P3H2: variants seen among roughly 807,000 people sequenced by gnomAD.
The protein encoded by P3H2 is leprecan-like 1.
In P3H2, 80 loss-of-function variants were observed where a neutral mutation model predicts 87.0. The observed-to-expected ratio is 0.92, with a 90% confidence interval of 0.77 to 1.11. P3H2 has a LOEUF of 1.11. Among genes scored for constraint, P3H2 ranks in the 50% least tolerant of loss-of-function variants. P3H2 has a pLI of 0.00. For missense variants in P3H2, 1,001 were observed against 923.9 expected (o/e 1.08, Z -1.08); for synonymous variants, 367 against 359.3 (o/e 1.02, Z -0.24).
chr3:190,042,426 TTTTGTGTGTGTG>T (rs1725665077), intron 1 of P3H2, among the ~76,000 whole-genome samples: 1 of 81,762 alleles, frequency 1.2e-5, no homozygotes, highest in African/African-American at 6.3e-5. Context: ...TCTTGTAAGA[TTTTGTGTGTGTG>T]TGTGTGTGTG....
At chr3:190,006,700 A>G (rs543943199) in intron 1 of P3H2, among the ~76,000 whole-genome samples, 57 of 152,224 alleles carry the variant, frequency 3.7e-4, no homozygotes, top group Non-Finnish European at 5.9e-4. Context: ...AAGGTTCAGG[A>G]AAGGACTCAC....
chr3:189,959,331 T>G, intron 14 of P3H2, among the ~76,000 whole-genome samples: 1 of 151,596 alleles, frequency 6.6e-6, no homozygotes, highest in Non-Finnish European at 1.5e-5. Flanking sequence ...TGTATACATG[T>G]GCCATGCTGG....
At chr3:189,968,078 G>A (rs192730869) in intron 13 of P3H2, among the ~76,000 whole-genome samples, 1 of 152,204 alleles carries the variant, frequency 6.6e-6, no homozygotes, top group African/African-American at 2.4e-5. Flanking sequence ...GAGATACCTG[G>A]TCATCTATAA....
chr3:190,115,956 T>C (rs1350575749), intron 1 of P3H2, among the ~76,000 whole-genome samples: 2 of 152,156 alleles, frequency 1.3e-5, no homozygotes, highest in Non-Finnish European at 2.9e-5. Context: ...TAATTATCCA[T>C]TTAGTAATCA....
chr3:189,975,858 C>T (rs538192491), intron 8 of P3H2, among the ~76,000 whole-genome samples: 26 of 152,296 alleles, frequency 1.7e-4, no homozygotes, highest in African/African-American at 5.8e-4. Context: ...GAGTAATGTT[C>T]GGTTATCTGT....
intron 1 of P3H2, among the ~76,000 whole-genome samples, chr3:190,096,917 G>A (rs1727606399): frequency 6.6e-6 from 1 of 152,194 alleles, no homozygotes. Flanking sequence ...CCTTGAAAGA[G>A]AAATTTATTA....
rs367922933 is a variant in P3H2, at chr3:190,120,695, G to A, written c.37C>T (p.Leu13=). 3.1e-4 allele frequency: 464 copies of A among 1,521,066 alleles called. 3 individuals are homozygous for A. In the African/African-American group the frequency reaches 5.8e-3, roughly 19 times the overall value. 94.2% of individuals were successfully genotyped at this position (1,521,066 alleles called of 1,614,324 possible). A position where few individuals can be genotyped will look rare whatever the true frequency, so the allele number is the denominator to read the frequency against. ...GGCGGCGGCAGTAGCAGCGGCAGCAGCAGCAGCAGCGGCGGCGCCCAGATG... is the reference window on the plus strand; with the variant it reads ...GGCGGCGGCAGTAGCAGCGGCAGCAACAGCAGCAGCGGCGGCGCCCAGATG... ...ERIWAPPLLL[L]LPLLLPPPLW... is the part of the protein sequence containing the mutation. Residue 13 remains leucine, a synonymous_variant, in exon 1 of 15, where the codon CTG becomes TTG. Transcript: ENST00000319332.
rs143494089 is a variant in P3H2 at position 189,997,294 on chromosome 3, C to A, written c.481-1852G>T. On this transcript the variant is annotated intron_variant, in intron 1 of 14. Transcript: ENST00000319332. The stretch of plus-strand genomic sequence containing the variant: ...TTCACATATTTACATATGCTTTAGT[C>A]ATGGAGAATTTCAATAGAGAGATCC... Among the ~76,000 whole-genome samples, 381 of 152,260 alleles carry A rather than the reference C, an allele frequency of 2.5e-3. 3 individuals carry two copies. The highest frequency in any genetic ancestry group is 8.8e-3 in the African/African-American group (367 of 41,560).
intron 6 of P3H2, among the ~76,000 whole-genome samples, chr3:189,985,299 T>C (rs1397903181): frequency 1.3e-5 from 2 of 151,846 alleles, no homozygotes; most frequent in African/African-American, 2.4e-5. Flanking sequence ...AAATAGTTAA[T>C]ATGTGAAAAG....
At chr3:189,962,414 A>T (rs746398546) in intron 14 of P3H2, among the ~76,000 whole-genome samples, 1 of 151,998 alleles carries the variant, frequency 6.6e-6, no homozygotes, top group Non-Finnish European at 1.5e-5. Context: ...ACCTCAGGTG[A>T]TCCACCCACC....
chr3:190,004,392 A>G (rs753756175), intron 1 of P3H2, among the ~76,000 whole-genome samples: 2 of 152,150 alleles, frequency 1.3e-5, no homozygotes, highest in Admixed American at 6.5e-5. Flanking sequence ...TTATTTGTTT[A>G]TTTATTTCGA....
Position 189,987,543 on chromosome 3 carries a change from G to A in P3H2, c.1082C>T (p.Ser361Phe). 6.2e-7 allele frequency: 1 copy of A among 1,613,732 alleles called. No homozygotes were observed. The highest frequency in any genetic ancestry group is 2.2e-5 in the East Asian group (1 of 44,866). The change falls in exon 5 of 15, where the codon TCC becomes TTC. Residue 361 changes from serine to phenylalanine, a missense_variant. By Grantham distance (155) the Ser-to-Phe change is radical. Coordinates refer to ENST00000319332, the MANE Select transcript of P3H2 (RefSeq NM_018192.4). The stretch of plus-strand genomic sequence containing the variant: ...TGGTCTCACCTCTCTGGCCTCAATG[G>A]ATGCCGGGTCAATGCTATCATCCAG... ...SLLDDSIDPA[S>F]IEAREDLTMF... is the part of the protein sequence containing the mutation.
intron 14 of P3H2, among the ~76,000 whole-genome samples, chr3:189,962,250 CT>C (rs1722841983): frequency 6.9e-6 from 1 of 144,718 alleles, no homozygotes; most frequent in South Asian, 2.3e-4. Flanking sequence ...CTCACTGCAA[CT>C]GCAGCCTCCA....
At chr3:190,069,396 C>T (rs1726622686) in intron 1 of P3H2, among the ~76,000 whole-genome samples, 1 of 152,064 alleles carries the variant, frequency 6.6e-6, no homozygotes. Context: ...GTTCACAGTC[C>T]CTAGAAATCT....
intron 10 of P3H2, 51 bp downstream of exon 10, chr3:189,973,858 G>T: frequency 1.5e-6 from 2 of 1,340,226 alleles, no homozygotes; most frequent in Non-Finnish European, 2.2e-6. Flanking sequence ...ATTTACAGAA[G>T]CCTTAGGCTG....
intron 1 of P3H2, among the ~76,000 whole-genome samples, chr3:190,015,478 C>T (rs1033018859): frequency 2.0e-5 from 3 of 152,162 alleles, no homozygotes; most frequent in Non-Finnish European, 2.9e-5. Context: ...CTGATTCCAA[C>T]CCACGGTTTT....
chr3:190,117,971 G>A (rs1470743325), intron 1 of P3H2, among the ~76,000 whole-genome samples: 2 of 152,138 alleles, frequency 1.3e-5, no homozygotes, highest in Non-Finnish European at 2.9e-5. Context: ...ATGAACACAC[G>A]AAGCCACGGA....
chr3:190,057,710 G>A (rs1726203479), intron 1 of P3H2, among the ~76,000 whole-genome samples: 1 of 152,128 alleles, frequency 6.6e-6, no homozygotes, highest in African/African-American at 2.4e-5. Context: ...CTCTGTTTTA[G>A]ACAGCTTTAT....
chr3:190,010,050 C>T (rs1305959365), intron 1 of P3H2, among the ~76,000 whole-genome samples: 1 of 152,118 alleles, frequency 6.6e-6, no homozygotes, highest in Non-Finnish European at 1.5e-5. Context: ...TAAAAAGAAG[C>T]TAACAGCAAA....
Sources: gnomAD v4.1 joint callset for allele counts (sites outside exome capture counted in the v4.1 genomes callset) on GRCh38, gnomAD v4.1.1 for gene constraint, MANE v1.5 for transcripts, NCBI Gene and HGNC (gene_info 2026-07-23, HGNC 2026-07-21) for gene names.